The following NUP35 variants were observed in gnomAD, a reference collection of about 807,000 sequenced individuals.
NUP35 encodes nucleoporin 35.
Under a neutral mutation model 41.5 loss-of-function variants are expected in NUP35, and 25 were observed. The ratio of observed to expected loss-of-function variants is 0.60; its 90% CI spans 0.44 to 0.84. The LOEUF (loss-of-function observed/expected upper bound fraction) is 0.84. Ranked by LOEUF, NUP35 falls within the 40% of genes least tolerant of loss-of-function variation. The pLI, the probability that NUP35 is intolerant of heterozygous loss-of-function variation, is 0.00. For missense variants in NUP35, 396 were observed against 396.6 expected (o/e 1.00, Z 0.01); for synonymous variants, 149 against 130.7 (o/e 1.14, Z -0.96).
At chr2:183,154,720 C>T (rs564519277) in intron 5 of NUP35, among the ~76,000 whole-genome samples, 20 of 152,184 alleles carry the variant, frequency 1.3e-4, no homozygotes, top group Non-Finnish European at 2.9e-4. Flanking sequence ...CCAAACTGTT[C>T]CAACCTCTGC....
At chr2:183,130,580 A>G (rs764104700) in intron 3 of NUP35, 35 bp downstream of exon 3, 25 of 1,600,316 alleles carry the variant, frequency 1.6e-5, no homozygotes, top group South Asian at 1.1e-5. Context: ...CCAATGAACA[A>G]CATCATGGTT....
rs56941373 is a variant in NUP35, at chr2:183,152,156, A to ACACACACACACACACACAG, written c.539+507_539+508insCACACACACACACACACAG. 2.0e-4 allele frequency among the ~76,000 whole-genome samples: 28 copies of ACACACACACACACACACAG among 139,764 alleles called. 1 individual carries two copies. The highest frequency in any genetic ancestry group is 1.3e-3 in the East Asian group (6 of 4,646). The allele number at this position is 139,764 out of a possible 152,430, so 91.7% of individuals were successfully genotyped here. ...ACACACACACACACACACACACACA[A>ACACACACACACACACACAG]TGTCACAGGGTTGATACTTTCTGGT... On this transcript the variant is annotated intron_variant, in intron 5 of 8. Coordinates refer to ENST00000295119, the MANE Select transcript of NUP35 (RefSeq NM_138285.5).
Position 183,158,207 on chromosome 2 carries a change from CCTATTTTCTAGTAGAATTCATT to C in NUP35, c.610-75_610-54del, listed in dbSNP as rs576354715. ...GGAAGTAAATTTATCTTACCATGTT[CCTATTTTCTAGTAGAATTCATT>C]AGATGTAGATTTTATATATTTTCTA... On this transcript the variant is annotated intron_variant, in intron 6 of 8. Coordinates refer to ENST00000295119, the MANE Select transcript of NUP35 (RefSeq NM_138285.5). The C allele has an allele frequency of 3.1e-4, 341 of 1,082,722 alleles. 2 individuals carry two copies. The African/African-American group carries it at 4.9e-3, about 15-fold the overall frequency. The allele number at this position is 1,082,722 out of a possible 1,614,324, so 67.1% of individuals were successfully genotyped here.
At chr2:183,124,305 C>A, upstream of NUP35, 1 of 1,499,530 alleles carries the variant, frequency 6.7e-7, no homozygotes, top group Non-Finnish European at 8.9e-7. Context: ...TGCCCTATTC[C>A]AAAATGGCTC....
chr2:183,146,545 A>G (rs1394987596), intron 4 of NUP35, among the ~76,000 whole-genome samples: 1 of 152,070 alleles, frequency 6.6e-6, no homozygotes, highest in East Asian at 1.9e-4. Flanking sequence ...ACTCCCACCA[A>G]CAGCATATAA....
intron 4 of NUP35, among the ~76,000 whole-genome samples, chr2:183,136,977 C>T (rs181850046): frequency 1.6e-4 from 25 of 152,200 alleles, no homozygotes; most frequent in African/African-American, 6.0e-4. Context: ...GTAATCCCAG[C>T]TACTTGGGAG....
chr2:183,129,594 C>T (rs1684624361), intron 2 of NUP35, among the ~76,000 whole-genome samples: 2 of 152,068 alleles, frequency 1.3e-5, no homozygotes, highest in African/African-American at 4.8e-5. Flanking sequence ...GCTTATGAGC[C>T]TGGCAGTATG....
rs1685796004 is a variant in NUP35, at chr2:183,159,623, G to A, written c.874G>A (p.Ala292Thr). ...RISTMRPLAT[A>T]YKASTSDYQV... The stretch of plus-strand genomic sequence containing the variant: ...TTCTACCATGAGACCTCTTGCTACA[G>A]CATACAAAGCCTCTACTAGTGATTA... Residue 292 changes from alanine to threonine, a missense_variant, in exon 8 of 9, where the codon GCA (alanine) becomes ACA (threonine). Coordinates refer to ENST00000295119, the MANE Select transcript of NUP35 (RefSeq NM_138285.5). 6.2e-7 allele frequency: 1 copy of A among 1,612,964 alleles called. No individual in the cohort carries two copies. The highest frequency in any genetic ancestry group is 8.5e-7 in the Non-Finnish European group (1 of 1,179,538).
intron 1 of NUP35, among the ~76,000 whole-genome samples, chr2:183,126,537 A>G (rs1332700328): frequency 6.6e-6 from 1 of 152,180 alleles, no homozygotes; most frequent in Non-Finnish European, 1.5e-5. Context: ...AAATATTTCT[A>G]CAGTGCCATG....
intron 4 of NUP35, among the ~76,000 whole-genome samples, chr2:183,137,099 G>A (rs1684900757): frequency 6.6e-6 from 1 of 151,840 alleles, no homozygotes. Context: ...CCAAAAAAAA[G>A]AAATCTTGGA....
chr2:183,128,802 G>C (rs576366148), intron 2 of NUP35, among the ~76,000 whole-genome samples: 3 of 152,202 alleles, frequency 2.0e-5, no homozygotes, highest in African/African-American at 7.2e-5. Context: ...TAAGCAATGT[G>C]TCTATTATAA....
intron 2 of NUP35, 24 bp from the exon 3 acceptor site, chr2:183,130,394 T>TG: frequency 7.6e-7 from 1 of 1,316,950 alleles, no homozygotes; most frequent in African/African-American, 1.5e-5. Flanking sequence ...TCCCTTTTTT[T>TG]TTTTTTTTTT....
chr2:183,151,383 A>T (rs1442195674), intron 4 of NUP35, 125 bp from the exon 5 acceptor site: 1 of 735,710 alleles, frequency 1.4e-6, no homozygotes, highest in Non-Finnish European at 2.2e-6. Context: ...CCACAGTTGT[A>T]TGTTTTGAAC....
intron 5 of NUP35, among the ~76,000 whole-genome samples, chr2:183,155,037 A>G (rs929464113): frequency 5.9e-5 from 9 of 152,326 alleles, no homozygotes; most frequent in African/African-American, 1.9e-4. Context: ...AGAATAGCAT[A>G]GGAAAGACCA....
At chr2:183,153,545 C>A (rs1685541988) in intron 5 of NUP35, among the ~76,000 whole-genome samples, 2 of 152,176 alleles carry the variant, frequency 1.3e-5, no homozygotes, top group African/African-American at 4.8e-5. Flanking sequence ...GAGGGGCAGT[C>A]AAATTTTAAA....
At chr2:183,155,098 A>C (rs1467540499) in intron 5 of NUP35, among the ~76,000 whole-genome samples, 2 of 152,202 alleles carry the variant, frequency 1.3e-5, no homozygotes, top group African/African-American at 2.4e-5. Context: ...ACACATGGGA[A>C]TTCTGGGAGA....
intron 1 of NUP35, among the ~76,000 whole-genome samples, chr2:183,127,349 C>T (rs1473627532): frequency 6.6e-6 from 1 of 151,546 alleles, no homozygotes; most frequent in Non-Finnish European, 1.5e-5. Flanking sequence ...AACTCCTGAG[C>T]TCAAGTGATC....
intron 5 of NUP35, among the ~76,000 whole-genome samples, chr2:183,152,436 T>G: frequency 6.6e-6 from 1 of 152,072 alleles, no homozygotes; most frequent in East Asian, 1.9e-4. Context: ...GTCACCCCTT[T>G]CCCACCCTTT....
intron 4 of NUP35, among the ~76,000 whole-genome samples, chr2:183,150,792 T>C (rs1179239737): frequency 1.3e-5 from 2 of 152,214 alleles, no homozygotes; most frequent in East Asian, 1.9e-4. Flanking sequence ...TGATAAAATA[T>C]GTTTTGAATG....
Sources: allele counts gnomAD v4.1 joint callset (sites outside exome capture counted in the v4.1 genomes callset), GRCh38; gene constraint gnomAD v4.1.1; transcripts MANE v1.5; gene names NCBI Gene and HGNC (gene_info 2026-07-23, HGNC 2026-07-21).